The following ERICH6B variants were observed in gnomAD, a reference collection of about 807,000 sequenced individuals.
ERICH6B encodes the protein glutamate rich 6B, also known as glutamate-rich protein 6B.
A neutral mutation model predicts 80.0 loss-of-function variants in ERICH6B; 69 were observed. That is an observed-to-expected ratio of 0.86 (90% confidence interval 0.71 to 1.05). ERICH6B has a LOEUF of 1.05. Ranked by LOEUF, ERICH6B falls within the 50% of genes least tolerant of loss-of-function variation. The pLI, the probability that ERICH6B is intolerant of heterozygous loss-of-function variation, is 0.00. For synonymous variants in ERICH6B, 283 were observed against 291.9 expected (o/e 0.97, Z 0.31); for missense variants, 754 against 796.1 (o/e 0.95, Z 0.64).
chr13:45,563,253 T>C (rs953676307), intron 10 of ERICH6B, among the ~76,000 whole-genome samples: 1 of 152,194 alleles, frequency 6.6e-6, no homozygotes, highest in African/African-American at 2.4e-5. Context: ...CCTTACTGTG[T>C]GGTCCCACAG....
chr13:45,604,830 G>A (rs1462526920), intron 2 of ERICH6B, among the ~76,000 whole-genome samples: 1 of 152,168 alleles, frequency 6.6e-6, no homozygotes, highest in Non-Finnish European at 1.5e-5. Flanking sequence ...GGGAGGCTGA[G>A]ATGGGAGGAT....
intron 7 of ERICH6B, among the ~76,000 whole-genome samples, chr13:45,578,020 T>A (rs2985939): frequency 6.6e-6 from 1 of 152,104 alleles, no homozygotes; most frequent in Non-Finnish European, 1.5e-5. Flanking sequence ...TTGACCAAAC[T>A]TTAGTCAGGC....
chr13:45,601,759 T>C (rs1222953726), intron 2 of ERICH6B, among the ~76,000 whole-genome samples: 1 of 152,150 alleles, frequency 6.6e-6, no homozygotes, highest in East Asian at 1.9e-4. Flanking sequence ...TTAATTCTCT[T>C]AGAAATTTGT....
intron 9 of ERICH6B, among the ~76,000 whole-genome samples, chr13:45,565,459 G>C (rs1177338947): frequency 1.3e-5 from 2 of 152,248 alleles, no homozygotes; most frequent in East Asian, 1.9e-4. Flanking sequence ...CCACAGGCTG[G>C]GTGTATGTAT....
chr13:45,599,202 A>G (rs1949809473), intron 2 of ERICH6B, among the ~76,000 whole-genome samples: 1 of 152,188 alleles, frequency 6.6e-6, no homozygotes, highest in Non-Finnish European at 1.5e-5. Flanking sequence ...ACAAGGCCTC[A>G]CTGGTAGCCT....
At chr13:45,604,930 A>C (rs1949848816) in intron 2 of ERICH6B, among the ~76,000 whole-genome samples, 1 of 152,108 alleles carries the variant, frequency 6.6e-6, no homozygotes, top group South Asian at 2.1e-4. Flanking sequence ...AAAACAAAAC[A>C]AACCAAATCC....
chr13:45,595,804 G>A (rs911563016), intron 3 of ERICH6B, among the ~76,000 whole-genome samples: 12 of 150,990 alleles, frequency 7.9e-5, no homozygotes, highest in African/African-American at 2.7e-4. Flanking sequence ...CACCACACCC[G>A]ACTAAATTTT....
intron 5 of ERICH6B, among the ~76,000 whole-genome samples, chr13:45,584,227 G>A (rs1385465329): frequency 6.6e-6 from 1 of 152,156 alleles, no homozygotes; most frequent in Non-Finnish European, 1.5e-5. Flanking sequence ...CCTGCTCTGT[G>A]CCTGGATAGA....
At chr13:45,544,200 G>A (rs1175070827) in intron 14 of ERICH6B, among the ~76,000 whole-genome samples, 1 of 152,186 alleles carries the variant, frequency 6.6e-6, no homozygotes, top group Non-Finnish European at 1.5e-5. Context: ...AGTTTCCCGA[G>A]TAGCTGGGAT....
At chr13:45,582,086 G>A (rs73187615) in intron 5 of ERICH6B, among the ~76,000 whole-genome samples, 11,936 of 151,886 alleles carry the variant, frequency 0.079, 605 homozygotes, top group East Asian at 0.15. Flanking sequence ...CATCTCAGTC[G>A]TGTGTCTTTC....
At chr13:45,598,998 A>G (rs947620770) in intron 2 of ERICH6B, among the ~76,000 whole-genome samples, 5 of 152,220 alleles carry the variant, frequency 3.3e-5, no homozygotes, top group African/African-American at 1.2e-4. Flanking sequence ...CACAAGTGCC[A>G]TCTCCATCTG....
intron 3 of ERICH6B, among the ~76,000 whole-genome samples, chr13:45,593,288 T>A (rs565889318): frequency 1.1e-4 from 17 of 152,090 alleles, no homozygotes; most frequent in Non-Finnish European, 2.2e-4. Flanking sequence ...AGGGTGCAGA[T>A]CCCTCCCACA....
chr13:45,563,722 C>G lies in ERICH6B; in HGVS notation c.1249+5G>C, dbSNP rs1441504697. On this transcript the variant is annotated splice_donor_5th_base_variant and intron_variant, in intron 10 of 14. Coordinates refer to ENST00000298738, the MANE Select transcript of ERICH6B (RefSeq NM_182542.3). ...CGTGGTGGAAAATGGTGGAGTGGTGCCTACCTTCACGTCTCCTCTTAATCC... is the reference window on the plus strand; with the variant it reads ...CGTGGTGGAAAATGGTGGAGTGGTGGCTACCTTCACGTCTCCTCTTAATCC... The G allele has an allele frequency of 6.4e-7, 1 of 1,551,954 alleles. No individual in the cohort carries two copies. The highest frequency in any genetic ancestry group is 8.7e-7 in the Non-Finnish European group (1 of 1,146,944).
intron 2 of ERICH6B, among the ~76,000 whole-genome samples, chr13:45,597,639 G>A (rs772450088): frequency 2.6e-5 from 4 of 152,110 alleles, no homozygotes; most frequent in African/African-American, 4.8e-5. Flanking sequence ...CAGCTCACCA[G>A]GCAAATGCTA....
intron 2 of ERICH6B, among the ~76,000 whole-genome samples, chr13:45,605,888 C>T (rs929828694): frequency 6.6e-6 from 1 of 152,192 alleles, no homozygotes; most frequent in Non-Finnish European, 1.5e-5. Flanking sequence ...AAAGATTGAA[C>T]ACAATCTGGC....
intron 9 of ERICH6B, among the ~76,000 whole-genome samples, chr13:45,564,278 G>A (rs1340028579): frequency 6.6e-6 from 1 of 152,202 alleles, no homozygotes; most frequent in Non-Finnish European, 1.5e-5. Flanking sequence ...TCTTCAACAT[G>A]ATCAAGCCCT....
chr13:45,612,630 T>G (rs1379850477), intron 1 of ERICH6B, among the ~76,000 whole-genome samples: 2 of 152,198 alleles, frequency 1.3e-5, no homozygotes, highest in Non-Finnish European at 2.9e-5. Context: ...ATGCCCCATG[T>G]GACAGCCTTT....
At chr13:45,542,074 C>T (rs1041046677) in intron 14 of ERICH6B, among the ~76,000 whole-genome samples, 1 of 152,120 alleles carries the variant, frequency 6.6e-6, no homozygotes, top group African/African-American at 2.4e-5. Flanking sequence ...CCCGTGAGCC[C>T]CGCCTCCACC....
chr13:45,547,554 G>T (rs1874041443), intron 13 of ERICH6B, among the ~76,000 whole-genome samples: 1 of 152,190 alleles, frequency 6.6e-6, no homozygotes, highest in Non-Finnish European at 1.5e-5. Flanking sequence ...CCACACGCAG[G>T]GGTGGAGATT....
Sources: gnomAD v4.1 joint callset for allele counts (sites outside exome capture counted in the v4.1 genomes callset) on GRCh38, gnomAD v4.1.1 for gene constraint, MANE v1.5 for transcripts, NCBI Gene and HGNC (gene_info 2026-07-23, HGNC 2026-07-21) for gene names.